The following CNOT4 variants were observed in gnomAD, a reference collection of about 807,000 sequenced individuals.
CNOT4 encodes CCR4-NOT transcription complex subunit 4, also known as CCR4-associated factor 4.
Under a neutral mutation model 73.8 loss-of-function variants are expected in CNOT4, and 8 were observed. The observed-to-expected ratio is 0.11, with a 90% CI of 0.06 to 0.20. The LOEUF is 0.20. Ranked by LOEUF, CNOT4 falls within the 10% of genes least tolerant of loss-of-function variation. CNOT4 has a pLI of 1.00. For synonymous variants in CNOT4, 293 were observed against 321.1 expected (o/e 0.91, Z 0.94); for missense variants, 564 against 883.4 (o/e 0.64, Z 4.58).
At chr7:135,405,209 A>G (rs989914061) in intron 7 of CNOT4, among the ~76,000 whole-genome samples, 6 of 152,204 alleles carry the variant, frequency 3.9e-5, no homozygotes, top group Admixed American at 3.3e-4. Context: ...TATACCACAC[A>G]GGCCTACTGA....
At chr7:135,388,744 T>C in intron 10 of CNOT4, 1 of 1,574,312 alleles carries the variant, frequency 6.4e-7, no homozygotes, top group Non-Finnish European at 8.7e-7. Flanking sequence ...AAAAATCCAG[T>C]TGCCCATGCA....
In CNOT4 at chr7:135,362,859, A is replaced by AT; in HGVS notation, c.*25dup. 1 of 1,597,882 alleles carries AT rather than the reference A, an allele frequency of 6.3e-7. No homozygotes were observed. Among genetic ancestry groups the AT allele is most frequent in the Non-Finnish European group, 8.6e-7 (1 of 1,166,974 alleles). On this transcript the variant is annotated 3_prime_UTR_variant, in exon 12 of 12. Coordinates refer to ENST00000541284, the MANE Select transcript of CNOT4 (RefSeq NM_001190850.2). ...GAAAACAGAGTGGGACAAATCCTGCATTTTCTAATGGTTGCTCCTCTTTGC... is the reference window on the plus strand; with the variant it reads ...GAAAACAGAGTGGGACAAATCCTGCATTTTTCTAATGGTTGCTCCTCTTTGC...
In CNOT4 at chr7:135,399,168, A is replaced by G. The variant is rs111226684; in HGVS notation, c.822-942T>C. Among the ~76,000 whole-genome samples, 4 of 152,158 alleles carry G rather than the reference A, an allele frequency of 2.6e-5. 1 individual carries two copies. Among genetic ancestry groups the G allele is most frequent in the African/African-American group, 9.6e-5 (4 of 41,560 alleles). On this transcript the variant is annotated intron_variant, in intron 7 of 11. Coordinates refer to ENST00000541284, the MANE Select transcript of CNOT4 (RefSeq NM_001190850.2). Reference sequence around the variant, plus strand: ...CTAACTTTATTTAACTCAGCACATGAACAAAAATAGTCATGGGTTGCTTAA... The same window carrying G: ...CTAACTTTATTTAACTCAGCACATGGACAAAAATAGTCATGGGTTGCTTAA...
intron 1 of CNOT4, among the ~76,000 whole-genome samples, chr7:135,507,839 G>A (rs1233014796): frequency 1.3e-5 from 2 of 152,026 alleles, no homozygotes; most frequent in Non-Finnish European, 2.9e-5. Context: ...TAAACTAAAT[G>A]TAAGTGATTA....
At chr7:135,384,830 G>C in intron 10 of CNOT4, 1 of 707,038 alleles carries the variant, frequency 1.4e-6, no homozygotes, top group Non-Finnish European at 2.6e-6. Flanking sequence ...CTTCAACTTT[G>C]TTGTCAAATG....
At position 135,363,342 on chromosome 7, in the gene CNOT4, C is replaced by T. The variant is rs1392179071; in HGVS notation, c.1841-156G>A. ...AAGACCTTTTAAACCAATCCTCCCC[C>T]AACAACAAAGAACTTATTGGCACAC... On this transcript the variant is annotated intron_variant, in intron 11 of 11. Transcript: ENST00000541284. The surrounding 1 kb of genome is among the most constrained non-coding windows in gnomAD (Gnocchi z 4.3). Among the ~76,000 whole-genome samples the T allele has an allele frequency of 6.6e-6, 1 of 152,116 alleles. No homozygotes were observed. The highest frequency in any genetic ancestry group is 2.4e-5 in the African/African-American group (1 of 41,426).
intron 9 of CNOT4, 34 bp from the exon 10 acceptor site, chr7:135,394,449 T>C (rs1234156473): frequency 1.3e-6 from 2 of 1,513,528 alleles, no homozygotes; most frequent in East Asian, 2.3e-5. Flanking sequence ...GAATATCAGA[T>C]ACATAGCTCA....
chr7:135,450,380 G>A (rs199721316), intron 1 of CNOT4, among the ~76,000 whole-genome samples: 9 of 152,090 alleles, frequency 5.9e-5, no homozygotes, highest in East Asian at 3.9e-4. Flanking sequence ...GTGCAGTGGC[G>A]TGATCTCGGC....
intron 10 of CNOT4, among the ~76,000 whole-genome samples, chr7:135,372,385 G>A (rs932976515): frequency 2.6e-5 from 4 of 152,172 alleles, no homozygotes; most frequent in Admixed American, 2.6e-4. Flanking sequence ...AAATACCACA[G>A]TGTATTGCAA....
chr7:135,444,743 G>A (rs754799109), intron 1 of CNOT4: 122 of 1,439,464 alleles, frequency 8.5e-5, no homozygotes, highest in Non-Finnish European at 1.0e-4. Flanking sequence ...CCCTGGCTGC[G>A]ACCCTCACTC....
chr7:135,483,826 C>T (rs1312509155), intron 1 of CNOT4, among the ~76,000 whole-genome samples: 1 of 152,000 alleles, frequency 6.6e-6, no homozygotes, highest in Non-Finnish European at 1.5e-5. Flanking sequence ...AAAAACAAAA[C>T]AAAACCAAAC....
At chr7:135,443,702 T>C (rs143233748) in intron 1 of CNOT4, among the ~76,000 whole-genome samples, 13 of 152,328 alleles carry the variant, frequency 8.5e-5, no homozygotes, top group African/African-American at 2.6e-4. Flanking sequence ...GTAATAATGC[T>C]CCTGCATCAC....
chr7:135,378,294 A>C (rs1795632144), intron 10 of CNOT4, among the ~76,000 whole-genome samples: 1 of 152,086 alleles, frequency 6.6e-6, no homozygotes, highest in South Asian at 2.1e-4. Flanking sequence ...ATCTGAGGTC[A>C]GGAGCTCGAG....
intron 1 of CNOT4, among the ~76,000 whole-genome samples, chr7:135,458,525 T>C (rs1444835453): frequency 6.6e-6 from 1 of 152,112 alleles, no homozygotes; most frequent in African/African-American, 2.4e-5. Flanking sequence ...TACTGTTTGA[T>C]AGCATTTTAC....
intron 1 of CNOT4, among the ~76,000 whole-genome samples, chr7:135,453,337 A>G (rs1341699767): frequency 2.0e-5 from 3 of 152,024 alleles, no homozygotes; most frequent in Admixed American, 1.3e-4. Flanking sequence ...CCACTTCTTT[A>G]GCCAAACTGT....
At position 135,419,496 on chromosome 7, in the gene CNOT4, C is replaced by T. The variant is rs979898414; in HGVS notation, c.372+2660G>A. On this transcript the variant is annotated intron_variant, in intron 3 of 11. Coordinates refer to ENST00000541284, the MANE Select transcript of CNOT4 (RefSeq NM_001190850.2). ...GTACTATTTAATAAAAAACAAAACA[C>T]TTGTCTCTGGTCTTTCTGGACTTTC... Among the ~76,000 whole-genome samples, 17 of 152,180 alleles carry T rather than the reference C, an allele frequency of 1.1e-4. No homozygotes were observed. The South Asian group carries it at 3.5e-3, about 32-fold the overall frequency.
intron 4 of CNOT4, among the ~76,000 whole-genome samples, chr7:135,414,756 G>C (rs1015838719): frequency 6.6e-6 from 1 of 151,898 alleles, no homozygotes; most frequent in Admixed American, 6.6e-5. Context: ...TAAAAAATAA[G>C]ACTTAAAGAC....
rs781017986 is a variant in CNOT4, at chr7:135,436,269, T to C, written c.174+1889A>G. On this transcript the variant is annotated intron_variant, in intron 2 of 11. Coordinates refer to ENST00000541284, the MANE Select transcript of CNOT4 (RefSeq NM_001190850.2). ...CTCTTAAGATTGAAATGACTTTCTT[T>C]GTAATTTCCCCAAATAACTTATTTT... is the stretch of plus-strand genomic sequence containing the variant. Among the ~76,000 whole-genome samples, 59 of 152,076 alleles carry C rather than the reference T, an allele frequency of 3.9e-4. 1 individual carries two copies. Among genetic ancestry groups the C allele is most frequent in the Non-Finnish European group, 4.0e-4 (27 of 67,992 alleles).
chr7:135,482,718 C>T (rs959387546), intron 1 of CNOT4, among the ~76,000 whole-genome samples: 3 of 149,484 alleles, frequency 2.0e-5, no homozygotes, highest in African/African-American at 7.4e-5. Flanking sequence ...CAGTGGCTAA[C>T]GCCTGTAATC....
Sources: allele counts gnomAD v4.1 joint callset (sites outside exome capture counted in the v4.1 genomes callset), GRCh38; gene constraint gnomAD v4.1.1; non-coding constraint Gnocchi (gnomAD v3.1); transcripts MANE v1.5; gene names NCBI Gene and HGNC (gene_info 2026-07-23, HGNC 2026-07-21).